Variants in AFAP1 observed in about 807,000 individuals in gnomAD.
AFAP1 encodes actin filament-associated protein 1.
In AFAP1, 75 loss-of-function variants were observed where a neutral mutation model predicts 93.9. The observed-to-expected ratio is 0.80, with a 90% CI of 0.66 to 0.97. The LOEUF is 0.97. AFAP1 is among the 50% of genes least tolerant of loss of function. AFAP1 has a pLI of 0.00. For synonymous variants in AFAP1, 517 were observed against 430.7 expected, an observed-to-expected ratio of 1.20 and a Z score of -2.48; for missense variants, 1,201 against 1,050.8, an observed-to-expected ratio of 1.14 and a Z score of -1.98.
At chr4:7,770,407 T>C (rs112380670) in intron 16 of AFAP1, among the ~76,000 whole-genome samples, 11 of 152,080 alleles carry the variant, frequency 7.2e-5, no homozygotes, top group African/African-American at 2.7e-4. Flanking sequence ...GTCACCATGA[T>C]GAAAGCAGGT....
intron 9 of AFAP1, among the ~76,000 whole-genome samples, chr4:7,801,914 CAAAAAAAAAAA>C (rs531684652): frequency 5.4e-4 from 35 of 65,200 alleles, no homozygotes; most frequent in South Asian, 3.9e-3. Flanking sequence ...GACCCTATCA[CAAAAAAAAAAA>C]AAAAAAAAAA....
intron 3 of AFAP1, among the ~76,000 whole-genome samples, chr4:7,860,387 T>C (rs547096495): frequency 3.0e-4 from 45 of 152,184 alleles, no homozygotes; most frequent in Middle Eastern, 3.4e-3. Context: ...AATCCAAAAC[T>C]TTTTTTAGCA....
intron 3 of AFAP1, among the ~76,000 whole-genome samples, chr4:7,855,823 T>G (rs1420481064): frequency 6.6e-6 from 1 of 152,214 alleles, no homozygotes; most frequent in Non-Finnish European, 1.5e-5. Context: ...AGGTTCGGTG[T>G]GTGCAGCAGT....
At chr4:7,873,526 T>C (rs1284994922) in intron 1 of AFAP1, among the ~76,000 whole-genome samples, 1 of 151,184 alleles carries the variant, frequency 6.6e-6, no homozygotes, top group Non-Finnish European at 1.5e-5. Flanking sequence ...TTTTTTGTAT[T>C]TTTAGTAGAG....
At chr4:7,909,949 T>C (rs1360827845) in intron 1 of AFAP1, among the ~76,000 whole-genome samples, 1 of 152,172 alleles carries the variant, frequency 6.6e-6, no homozygotes, top group Admixed American at 6.5e-5. Flanking sequence ...CGAATCGGGC[T>C]AAAACAAATC....
At chr4:7,897,251 A>G (rs1446622474) in intron 1 of AFAP1, among the ~76,000 whole-genome samples, 1 of 152,208 alleles carries the variant, frequency 6.6e-6, no homozygotes, top group East Asian at 1.9e-4. Context: ...GAATTTTGAA[A>G]AACAGGACAT....
intron 1 of AFAP1, among the ~76,000 whole-genome samples, chr4:7,874,818 A>C (rs1294371901): frequency 6.6e-6 from 1 of 152,076 alleles, no homozygotes; most frequent in Non-Finnish European, 1.5e-5. Flanking sequence ...TCTTCTAATT[A>C]TCATGTTTTG....
intron 10 of AFAP1, among the ~76,000 whole-genome samples, chr4:7,799,643 G>C (rs4689865): frequency 0.84 from 128,373 of 152,152 alleles, 54,480 homozygotes; most frequent in African/African-American, 0.93. Flanking sequence ...GTGTGTGTAT[G>C]TTTGCATCTT....
chr4:7,773,114 GTCGAGC>G, intron 15 of AFAP1, 104 bp from the exon 16 acceptor site: 1 of 1,465,408 alleles, frequency 6.8e-7, no homozygotes. Context: ...AACGTCTGAG[GTCGAGC>G]TCCCCTGACT....
chr4:7,799,940 G>T (rs945722357), intron 10 of AFAP1, among the ~76,000 whole-genome samples: 8 of 152,160 alleles, frequency 5.3e-5, no homozygotes, highest in Non-Finnish European at 7.4e-5. Flanking sequence ...GTGTCATGTG[G>T]CTCACTGGCC....
At chr4:7,854,813 C>A (rs1306150033) in intron 4 of AFAP1, among the ~76,000 whole-genome samples, 1 of 152,188 alleles carries the variant, frequency 6.6e-6, no homozygotes, top group African/African-American at 2.4e-5. Context: ...CTGACAGATA[C>A]TGAAAGGAGA....
intron 14 of AFAP1, chr4:7,776,444 AATC>A (rs1476755373): frequency 6.6e-6 from 1 of 152,142 alleles, no homozygotes; most frequent in Non-Finnish European, 1.5e-5. Context: ...ATCTGAAAAA[AATC>A]TAACAAAATG....
Position 7,843,501 on chromosome 4 carries a change from C to G in AFAP1, c.335-151G>C, listed in dbSNP as rs1159710126. ...TTAAGGGAAAAAACAAAAACAAAAA[C>G]AAAAATAAAAAAACAATGCTAAGAC... On this transcript the variant is annotated intron_variant, in intron 4 of 17. Transcript: ENST00000420658. 1.9e-5 allele frequency: 14 copies of G among 746,634 alleles called. No homozygotes were observed. In the East Asian group the frequency reaches 3.8e-4, roughly 21 times the overall value. The allele number at this position is 746,634 out of a possible 1,614,324, so 46.3% of individuals were successfully genotyped here.
rs1361247254 is a variant in AFAP1, at chr4:7,762,150, G to C, written c.*1615C>G. ...CTTTCCGCTTCAGTAATCCAACGTG[G>C]CCCTTGCAGGCCTCAAGCGCCACCA... On this transcript the variant is annotated 3_prime_UTR_variant, in exon 18 of 18. Transcript: ENST00000420658. The C allele has an allele frequency of 6.6e-6, 1 of 152,232 alleles. No individual in the cohort carries two copies. The highest frequency in any genetic ancestry group is 1.5e-5 in the Non-Finnish European group (1 of 68,050). The allele number at this position is 152,232 out of a possible 1,614,324, so 9.4% of individuals were successfully genotyped here. A position where few individuals can be genotyped will look rare whatever the true frequency, so the allele number is the denominator to read the frequency against.
chr4:7,803,297 C>T (rs535036058), intron 9 of AFAP1, among the ~76,000 whole-genome samples: 27 of 152,362 alleles, frequency 1.8e-4, no homozygotes, highest in East Asian at 1.5e-3. Flanking sequence ...GAAAACAGCC[C>T]GTGCTCTGGA....
At chr4:7,912,278 G>A (rs1719779491) in intron 1 of AFAP1, among the ~76,000 whole-genome samples, 2 of 152,196 alleles carry the variant, frequency 1.3e-5, no homozygotes, top group Admixed American at 1.3e-4. Context: ...TATGGCTTTT[G>A]TGTGAAGGTT....
intron 16 of AFAP1, among the ~76,000 whole-genome samples, chr4:7,770,301 T>G (rs987059460): frequency 1.3e-5 from 2 of 151,948 alleles, no homozygotes; most frequent in African/African-American, 4.8e-5. Flanking sequence ...GGTGGAAGAA[T>G]GTGGAGCCAC....
At chr4:7,864,524 A>C (rs898908776) in intron 3 of AFAP1, among the ~76,000 whole-genome samples, 2 of 152,176 alleles carry the variant, frequency 1.3e-5, no homozygotes, top group Admixed American at 1.3e-4. Context: ...AGCTAGCTTA[A>C]CCAAAGCTCT....
At chr4:7,811,500 G>A (rs1720034262) in intron 8 of AFAP1, among the ~76,000 whole-genome samples, 1 of 127,464 alleles carries the variant, frequency 7.8e-6, no homozygotes, top group Admixed American at 8.9e-5. Flanking sequence ...GCGGGAAGTG[G>A]TCCTCTTTCT....
Sources: gnomAD v4.1 joint callset for allele counts (sites outside exome capture counted in the v4.1 genomes callset) on GRCh38, gnomAD v4.1.1 for gene constraint, MANE v1.5 for transcripts, NCBI Gene and HGNC (gene_info 2026-07-23, HGNC 2026-07-21) for gene names.